LAMC3: variants seen among roughly 807,000 people sequenced by gnomAD.
The protein encoded by LAMC3 is laminin subunit gamma-3.
A neutral mutation model predicts 173.8 loss-of-function variants in LAMC3; 128 were observed. The ratio of observed to expected loss-of-function variants is 0.74; its 90% CI spans 0.64 to 0.85. The LOEUF is 0.85. LAMC3 is among the 40% of genes least tolerant of loss of function. The pLI, the probability that LAMC3 is intolerant of heterozygous loss-of-function variation, is 0.00. For missense variants in LAMC3, 2,022 were observed against 2,156.0 expected, an observed-to-expected ratio of 0.94 and a Z score of 1.23; for synonymous variants, 897 against 909.1, an observed-to-expected ratio of 0.99 and a Z score of 0.24.
chr9:131,061,201 C>T lies in LAMC3; in HGVS notation c.2325C>T (p.Thr775=), dbSNP rs778808907. Residue 775 remains threonine (T), a synonymous_variant, in exon 13 of 28, where the codon ACC becomes ACT. Coordinates refer to ENST00000361069, the MANE Select transcript of LAMC3 (RefSeq NM_006059.4). ...CAGAGAGCCGGGAGGTGGTGTGTAC[C>T]CACTGCCCCCCGGGCCAGAGAGGTA... ...TIPESREVVC[T]HCPPGQRGRR... 1.2e-5 allele frequency: 19 copies of T among 1,608,598 alleles called. No individual in the cohort carries two copies. Among genetic ancestry groups the T allele is most frequent in the Non-Finnish European group, 1.4e-5 (17 of 1,179,728 alleles).
At chr9:131,075,708 CTG>C (rs1195988988) in intron 20 of LAMC3, 121 bp from the exon 21 acceptor site, 22 of 1,086,042 alleles carry the variant, frequency 2.0e-5, no homozygotes, top group Non-Finnish European at 2.9e-5. Context: ...AAAGGCGTAC[CTG>C]TCTTTGTGGC....
intron 6 of LAMC3, among the ~76,000 whole-genome samples, chr9:131,040,431 G>A (rs11790769): frequency 0.25 from 38,202 of 151,948 alleles, 4,918 homozygotes; most frequent in Admixed American, 0.29. Flanking sequence ...CACCCTCCTC[G>A]GCTTCCCAAA....
At chr9:131,037,377 A>C (rs11794455) in intron 4 of LAMC3, among the ~76,000 whole-genome samples, 84,474 of 152,022 alleles carry the variant, frequency 0.56, 26,155 homozygotes, top group Non-Finnish European at 0.69. Context: ...CCTCATCCAC[A>C]TCGCTCCAGT....
At chr9:131,089,337 A>T (rs937718833) in intron 27 of LAMC3, among the ~76,000 whole-genome samples, 2 of 151,660 alleles carry the variant, frequency 1.3e-5, no homozygotes, top group African/African-American at 2.4e-5. Context: ...GAATTTGACT[A>T]CTCTGGGGAC....
rs750019666 is a variant in LAMC3, at chr9:131,069,004, C to G, written c.2844C>G (p.Asp948Glu). Reference protein sequence around the residue: ...CRPGVTGQACDRCQLGFFGFS... With the variant: ...CRPGVTGQACERCQLGFFGFS... ...CAGGTGTCACAGGCCAGGCCTGTGA[C>G]AGGTGCCAGCTGGGTTTCTTCGGCT... Residue 948 changes from aspartate (D) to glutamate (E), a missense_variant, in exon 16 of 28, where the codon GAC becomes GAG. Transcript: ENST00000361069. 3 of 1,613,994 alleles carry G rather than the reference C, an allele frequency of 1.9e-6. No individual in the cohort carries two copies. The highest frequency in any genetic ancestry group is 1.7e-4 in the Middle Eastern group (1 of 6,042).
intron 6 of LAMC3, among the ~76,000 whole-genome samples, chr9:131,041,366 C>CAGAAAAAAAAA (rs1554785561): frequency 8.7e-5 from 10 of 114,562 alleles, no homozygotes; most frequent in African/African-American, 3.2e-4. Flanking sequence ...GACTCTGTCC[C>CAGAAAAAAAAA]AAAAAAAAAG....
intron 17 of LAMC3, among the ~76,000 whole-genome samples, chr9:131,070,603 C>A (rs949205851): frequency 1.3e-5 from 2 of 151,838 alleles, no homozygotes. Flanking sequence ...CCCAGCTACT[C>A]GGGAGGCTGA....
chr9:131,040,727 C>T (rs778949697), intron 6 of LAMC3, among the ~76,000 whole-genome samples: 17 of 152,118 alleles, frequency 1.1e-4, no homozygotes, highest in Non-Finnish European at 2.4e-4. Context: ...CTCACAGCCT[C>T]CTGCTCATTC....
rs1002330589 is a variant in LAMC3, at chr9:131,081,342, T to C, written c.3928-717T>C. ...TTTCAGTGTATCTAGTCCTGTTGAG[T>C]GGCAGTGGGGAAGAAACTGATCTTC... On this transcript the variant is annotated intron_variant, in intron 23 of 27. Coordinates refer to ENST00000361069, the MANE Select transcript of LAMC3 (RefSeq NM_006059.4). 2.6e-5 allele frequency among the ~76,000 whole-genome samples: 4 copies of C among 152,206 alleles called. No homozygotes were observed. In the East Asian group the frequency reaches 7.7e-4, roughly 29 times the overall value.
At chr9:131,028,101 C>T (rs1187294527) in intron 2 of LAMC3, among the ~76,000 whole-genome samples, 1 of 151,456 alleles carries the variant, frequency 6.6e-6, no homozygotes, top group Non-Finnish European at 1.5e-5. Context: ...GCCTGAGCTC[C>T]GCCTCCTGTC....
At chr9:131,066,756 A>G (rs1829940930) in intron 13 of LAMC3, among the ~76,000 whole-genome samples, 1 of 152,094 alleles carries the variant, frequency 6.6e-6, no homozygotes, top group Non-Finnish European at 1.5e-5. Flanking sequence ...TTTAGAGATG[A>G]GGAACCTGAG....
At chr9:131,022,759 G>A (rs1833650726) in intron 1 of LAMC3, among the ~76,000 whole-genome samples, 4 of 151,436 alleles carry the variant, frequency 2.6e-5, no homozygotes, top group Admixed American at 1.3e-4. Flanking sequence ...TTTATTTTTT[G>A]TAGAGAGAGG....
chr9:131,026,059 A>T lies in LAMC3; in HGVS notation c.374-226A>T, dbSNP rs1361694442. Among the ~76,000 whole-genome samples, 1 of 152,178 alleles carries T rather than the reference A, an allele frequency of 6.6e-6. No homozygotes were observed. Among genetic ancestry groups the T allele is most frequent in the Non-Finnish European group, 1.5e-5 (1 of 68,026 alleles). ...GATTCCTGTGCAGGGTGGCGAGTTG[A>T]CCCAGAAGAGGGACAGCAAATACTT... On this transcript the variant is annotated intron_variant, in intron 1 of 27. Transcript: ENST00000361069. The surrounding 1 kb of genome is among the most constrained non-coding windows in gnomAD (Gnocchi z 4.8).
At chr9:131,012,055 A>G (rs1254898723) in intron 1 of LAMC3, among the ~76,000 whole-genome samples, 1 of 111,954 alleles carries the variant, frequency 8.9e-6, no homozygotes, top group Non-Finnish European at 1.8e-5. Flanking sequence ...GCGAACACAC[A>G]CACACATACA....
chr9:131,011,426 C>T (rs927664563), intron 1 of LAMC3, among the ~76,000 whole-genome samples: 4 of 152,208 alleles, frequency 2.6e-5, no homozygotes, highest in African/African-American at 9.7e-5. Context: ...GATGTGAGTT[C>T]CGCCACCCAT....
intron 1 of LAMC3, among the ~76,000 whole-genome samples, chr9:131,019,979 C>G (rs761556791): frequency 3.3e-5 from 5 of 152,110 alleles, no homozygotes; most frequent in Non-Finnish European, 5.9e-5. Flanking sequence ...AAGAATGACA[C>G]CGGGACAGTC....
Position 131,009,842 on chromosome 9 carries a change from T to G in LAMC3, c.373+255T>G, listed in dbSNP as rs941525009. Among the ~76,000 whole-genome samples the G allele has an allele frequency of 6.6e-6, 1 of 151,486 alleles. No individual in the cohort carries two copies. The highest frequency in any genetic ancestry group is 1.5e-5 in the Non-Finnish European group (1 of 67,830). Reference sequence around the variant, plus strand: ...GATCAGCCTGGGCAACGTAGTGAGATCCCATCTTTACAAAAAATAAAGAAA... The same window carrying G: ...GATCAGCCTGGGCAACGTAGTGAGAGCCCATCTTTACAAAAAATAAAGAAA... On this transcript the variant is annotated intron_variant, in intron 1 of 27. Transcript: ENST00000361069. The surrounding 1 kb of genome is among the most constrained non-coding windows in gnomAD (Gnocchi z 4.3).
intron 25 of LAMC3, among the ~76,000 whole-genome samples, 176 bp from the exon 26 acceptor site, chr9:131,087,300 C>G (rs1414857557): frequency 6.6e-6 from 1 of 152,264 alleles, no homozygotes; most frequent in Non-Finnish European, 1.5e-5. Flanking sequence ...ATCCAGCAGT[C>G]TACACTGTGC....
At chr9:131,013,810 G>A (rs1453768878) in intron 1 of LAMC3, among the ~76,000 whole-genome samples, 2 of 152,008 alleles carry the variant, frequency 1.3e-5, no homozygotes, top group Admixed American at 6.5e-5. Flanking sequence ...GCGAGGAGCC[G>A]GGTCCCAGGG....
Sources: gnomAD v4.1 joint callset for allele counts (sites outside exome capture counted in the v4.1 genomes callset) on GRCh38, gnomAD v4.1.1 for gene constraint, Gnocchi (gnomAD v3.1) non-coding constraint, MANE v1.5 for transcripts, NCBI Gene and HGNC (gene_info 2026-07-23, HGNC 2026-07-21) for gene names.